EP300: variants seen among roughly 807,000 people sequenced by gnomAD.
The protein encoded by EP300 is histone acetyltransferase p300.
In EP300, 31 loss-of-function variants were observed where a neutral mutation model predicts 264.0. That is an observed-to-expected ratio of 0.12 (90% CI 0.09 to 0.16). EP300 has a LOEUF of 0.16. Ranked by LOEUF, EP300 falls within the 10% of genes least tolerant of loss-of-function variation. The pLI is 1.00. For missense variants in EP300, 2,766 were observed against 3,052.9 expected, an observed-to-expected ratio of 0.91 and a Z score of 2.21; for synonymous variants, 1,340 against 1,045.4, an observed-to-expected ratio of 1.28 and a Z score of -5.44.
chr22:41,127,366 A>G, intron 3 of EP300, 121 bp from the exon 4 acceptor site: 1 of 1,317,660 alleles, frequency 7.6e-7, no homozygotes, highest in Non-Finnish European at 1.1e-6. Flanking sequence ...GTGTCAAAAA[A>G]TGGAGTCTGG....
intron 1 of EP300, 97 bp downstream of exon 1, chr22:41,093,195 G>C (rs1480684335): frequency 9.2e-6 from 11 of 1,194,630 alleles, no homozygotes; most frequent in Non-Finnish European, 1.3e-5. Context: ...TCTCTCTCTA[G>C]TTCCCTGCCC....
At chr22:41,119,172 A>ATTTTTTTTTTTTTTTTTTTTTTTT (rs796885809) in intron 2 of EP300, among the ~76,000 whole-genome samples, 1 of 107,274 alleles carries the variant, frequency 9.3e-6, no homozygotes, top group African/African-American at 4.4e-5. Flanking sequence ...CTGGCTTATT[A>ATTTTTTTTTTTTTTTTTTTTTTTT]TTATTTTTTT....
intron 10 of EP300, 94 bp downstream of exon 10, chr22:41,141,316 TTC>T: frequency 1.5e-6 from 2 of 1,376,734 alleles, no homozygotes; most frequent in Non-Finnish European, 2.0e-6. Context: ...TGTGTAACTA[TTC>T]TAGAGTTTTT....
intron 1 of EP300, among the ~76,000 whole-genome samples, chr22:41,107,645 A>C (rs1367323053): frequency 6.6e-6 from 1 of 152,186 alleles, no homozygotes; most frequent in Non-Finnish European, 1.5e-5. Flanking sequence ...TCAATTTCTC[A>C]CGTATCATTG....
intron 30 of EP300, 59 bp downstream of exon 30, chr22:41,176,587 A>G (rs1436239180): frequency 1.9e-6 from 3 of 1,611,048 alleles, no homozygotes; most frequent in Admixed American, 1.7e-5. Context: ...CTGAGGGGCC[A>G]TGCAGCCACG....
At chr22:41,156,890 C>G (rs2059080555) in intron 17 of EP300, among the ~76,000 whole-genome samples, 1 of 152,226 alleles carries the variant, frequency 6.6e-6, no homozygotes, top group Non-Finnish European at 1.5e-5. Flanking sequence ...TTACTGATCT[C>G]ACATGTACTT....
chr22:41,168,122 C>T (rs2059150764), intron 23 of EP300: 1 of 363,236 alleles, frequency 2.8e-6, no homozygotes, highest in Non-Finnish European at 5.3e-6. Flanking sequence ...GCACCCGGCC[C>T]CTGTTCTGTA....
At position 41,179,049 on chromosome 22, in the gene EP300, T is replaced by TA; in HGVS notation, c.*97dup. 1.4e-6 allele frequency: 2 copies of TA among 1,470,922 alleles called. No individual in the cohort carries two copies. The highest frequency in any genetic ancestry group is 1.4e-5 in the African/African-American group (1 of 71,718). 91.1% of individuals were successfully genotyped at this position (1,470,922 alleles called of 1,614,324 possible). A position where few individuals can be genotyped will look rare whatever the true frequency, so the allele number is the denominator to read the frequency against. On this transcript the variant is annotated 3_prime_UTR_variant, in exon 31 of 31. Coordinates refer to ENST00000263253, the MANE Select transcript of EP300 (RefSeq NM_001429.4). ...CAATTTTTTTGAATCTTTCGTAGCC[T>TA]AAAAGACAATTTTCCTTGGAACACA...
At chr22:41,128,019 C>T (rs537428752) in intron 4 of EP300, among the ~76,000 whole-genome samples, 2 of 152,144 alleles carry the variant, frequency 1.3e-5, no homozygotes, top group East Asian at 1.9e-4. Flanking sequence ...AAGACCTCGC[C>T]GGGCATGATG....
chr22:41,106,470 TTTTG>T (rs879737458), intron 1 of EP300, among the ~76,000 whole-genome samples: 1 of 152,164 alleles, frequency 6.6e-6, no homozygotes, highest in Non-Finnish European at 1.5e-5. Flanking sequence ...GTTCTCCCCA[TTTTG>T]TTTATTTCAA....
chr22:41,124,141 A>G (rs1321869956), intron 2 of EP300, among the ~76,000 whole-genome samples: 5 of 152,248 alleles, frequency 3.3e-5, no homozygotes, highest in Admixed American at 3.3e-4. Context: ...CCAGCTACTC[A>G]GGCTGAGGCA....
In EP300 at chr22:41,140,106, A is replaced by T. The variant is rs568223812; in HGVS notation, c.1761-34A>T. ...AGAAAAATACTAATTAAATGCTGACATGATATTACAGTGGTAGGATTTTCT... is the reference window on the plus strand; with the variant it reads ...AGAAAAATACTAATTAAATGCTGACTTGATATTACAGTGGTAGGATTTTCT... On this transcript the variant is annotated intron_variant, in intron 8 of 30. Coordinates refer to ENST00000263253, the MANE Select transcript of EP300 (RefSeq NM_001429.4). 6.9e-5 allele frequency: 99 copies of T among 1,433,122 alleles called. No homozygotes were observed. The South Asian group carries it at 1.0e-3, about 15-fold the overall frequency. The allele number at this position is 1,433,122 out of a possible 1,614,324, so 88.8% of individuals were successfully genotyped here. A position where few individuals can be genotyped will look rare whatever the true frequency, so the allele number is the denominator to read the frequency against.
chr22:41,092,767 T>C lies in EP300; in HGVS notation c.-238T>C, dbSNP rs886057551. ...TCGGCGAATTTGTGCTCTTGTGCCCTCCTCCGGGCTTGGGCCCAGGCCCGG... is the reference window on the plus strand; with the variant it reads ...TCGGCGAATTTGTGCTCTTGTGCCCCCCTCCGGGCTTGGGCCCAGGCCCGG... On this transcript the variant is annotated 5_prime_UTR_variant, in exon 1 of 31. Coordinates refer to ENST00000263253, the MANE Select transcript of EP300 (RefSeq NM_001429.4). 7.4e-5 allele frequency: 46 copies of C among 622,394 alleles called. No homozygotes were observed. The highest frequency in any genetic ancestry group is 1.2e-4 in the Non-Finnish European group (40 of 343,062). 38.6% of individuals were successfully genotyped at this position (622,394 alleles called of 1,614,324 possible). A position where few individuals can be genotyped will look rare whatever the true frequency, so the allele number is the denominator to read the frequency against.
chr22:41,158,883 T>A (rs140805450), intron 19 of EP300: 1 of 246,238 alleles, frequency 4.1e-6, no homozygotes, highest in Non-Finnish European at 8.2e-6. Context: ...TTTGGAAATA[T>A]TTCCTTTTTA....
At chr22:41,119,864 G>C (rs149917923) in intron 2 of EP300, among the ~76,000 whole-genome samples, 1 of 152,196 alleles carries the variant, frequency 6.6e-6, no homozygotes, top group Non-Finnish European at 1.5e-5. Context: ...GCCCATGCTG[G>C]AGTGCAGTGG....
chr22:41,169,658 T>C (rs1569117074), intron 26 of EP300, 42 bp downstream of exon 26: 1 of 1,163,186 alleles, frequency 8.6e-7, no homozygotes, highest in Non-Finnish European at 1.3e-6. Flanking sequence ...TTAACTAGCA[T>C]GGCATTCTGG....
rs562926530 is a variant in EP300 at position 41,157,360 on chromosome 22, A to G, written c.3453A>G (p.Gln1151=). The change falls in exon 18 of 31, where the codon CAA becomes CAG. Residue 1151 remains glutamine, a synonymous_variant. Transcript: ENST00000263253. ...YCSKLSEVFE[Q]EIDPVMQSLG... ...CCAAGCTCTCTGAGGTCTTTGAACAAGAAATTGACCCAGTGATGCAAAGCC... is the reference window on the plus strand; with the variant it reads ...CCAAGCTCTCTGAGGTCTTTGAACAGGAAATTGACCCAGTGATGCAAAGCC... 6 of 1,614,172 alleles carry G rather than the reference A, an allele frequency of 3.7e-6. No homozygotes were observed. In the African/African-American group the frequency reaches 6.7e-5, roughly 18 times the overall value.
In EP300 at chr22:41,178,667, A is replaced by G. The variant is rs1297979649; in HGVS notation, c.6956A>G (p.Gln2319Arg). 4.3e-6 allele frequency: 7 copies of G among 1,614,024 alleles called. No individual in the cohort carries two copies. The highest frequency in any genetic ancestry group is 1.7e-5 in the Admixed American group (1 of 59,982). The change falls in exon 31 of 31, where the codon CAG (glutamine) becomes CGG (arginine). Residue 2319 changes from glutamine to arginine, a missense_variant. Gln to Arg is a conservative substitution (Grantham distance 43). Transcript: ENST00000263253. ...SPQPVPSPRP[Q>R]SQPPHSSPSP... ...CAGCCTGTCCCTTCTCCACGGCCAC[A>G]GTCCCAGCCCCCCCACTCCAGTCCT...
At chr22:41,097,793 CT>C (rs893729462) in intron 1 of EP300, among the ~76,000 whole-genome samples, 39 of 148,366 alleles carry the variant, frequency 2.6e-4, no homozygotes, top group Non-Finnish European at 3.1e-4. Flanking sequence ...TAAAATTTTT[CT>C]TTTTTTTTTG....
Sources: gnomAD v4.1 joint callset for allele counts (sites outside exome capture counted in the v4.1 genomes callset) on GRCh38, gnomAD v4.1.1 for gene constraint, MANE v1.5 for transcripts, NCBI Gene and HGNC (gene_info 2026-07-23, HGNC 2026-07-21) for gene names.